Variants in PDE8B observed in about 807,000 individuals in gnomAD.
The protein encoded by PDE8B is phosphodiesterase 8B.
In PDE8B, 26 loss-of-function variants were observed where a neutral mutation model predicts 101.3. The ratio of observed to expected loss-of-function variants is 0.26; its 90% confidence interval spans 0.19 to 0.36. The LOEUF is 0.36. Ranked by LOEUF, PDE8B falls within the 10% of genes least tolerant of loss-of-function variation. The pLI is 1.00. For missense variants in PDE8B, 810 were observed against 1,163.1 expected (o/e 0.70, Z 4.42); for synonymous variants, 424 against 429.3 (o/e 0.99, Z 0.15).
At chr5:77,109,401 A>T in the PDE8B span, among the ~76,000 whole-genome samples, 2 of 152,374 alleles carry the variant, frequency 1.3e-5, no homozygotes, top group East Asian at 3.8e-4. Context: ...TTAAATATTT[A>T]AAAATGTTCT....
At chr5:77,421,015 A>G (rs1475242988) in intron 19 of PDE8B, among the ~76,000 whole-genome samples, 1 of 152,180 alleles carries the variant, frequency 6.6e-6, no homozygotes, top group Non-Finnish European at 1.5e-5. Flanking sequence ...AATCAATTTG[A>G]TGGTGTCTTT....
At chr5:77,283,685 T>G (rs1243034178) in intron 1 of PDE8B, among the ~76,000 whole-genome samples, 1 of 152,208 alleles carries the variant, frequency 6.6e-6, no homozygotes, top group African/African-American at 2.4e-5. Context: ...TTTTTAGTGC[T>G]GAGTAATATT....
At chr5:77,177,209 G>T in the PDE8B span, among the ~76,000 whole-genome samples, 4 of 152,126 alleles carry the variant, frequency 2.6e-5, no homozygotes, top group African/African-American at 9.7e-5. Flanking sequence ...AAAAAACCAT[G>T]TTTAAACATG....
rs72346580 is a variant in PDE8B at position 77,233,654 on chromosome 5, C to CTGTGTGTG, written c.339+22429_339+22436dup. ...TGACAGCCCCCAACCCCCTGAAGCTCTGTGTGTGTGTGTGTGTGTGTGTGT... is the reference window on the plus strand; with the variant it reads ...TGACAGCCCCCAACCCCCTGAAGCTCTGTGTGTGTGTGTGTGTGTGTGTGTGTGTGTGT... On this transcript the variant is annotated intron_variant, in intron 1 of 21. Transcript: ENST00000264917. Among the ~76,000 whole-genome samples, 1,220 of 138,304 alleles carry CTGTGTGTG rather than the reference C, an allele frequency of 8.8e-3. 25 individuals carry two copies. Among genetic ancestry groups the CTGTGTGTG allele is most frequent in the East Asian group, 0.063 (275 of 4,386 alleles). The allele number at this position is 138,304 out of a possible 152,430, so 90.7% of individuals were successfully genotyped here.
At chr5:77,153,402 T>A in the PDE8B span, among the ~76,000 whole-genome samples, 1 of 152,242 alleles carries the variant, frequency 6.6e-6, no homozygotes, top group Non-Finnish European at 1.5e-5. Context: ...AATGTCATAC[T>A]GTAATAGTGT....
chr5:77,159,536 A>G, the PDE8B span, among the ~76,000 whole-genome samples: 1 of 152,166 alleles, frequency 6.6e-6, no homozygotes, highest in African/African-American at 2.4e-5. Context: ...CAGACAACCT[A>G]CTGTGGGACC....
intron 10 of PDE8B, among the ~76,000 whole-genome samples, chr5:77,393,611 G>A (rs1790413160): frequency 6.6e-6 from 1 of 152,144 alleles, no homozygotes; most frequent in Non-Finnish European, 1.5e-5. Flanking sequence ...CTAATTATTT[G>A]CTTAAAGTGT....
chr5:77,118,340 C>A, the PDE8B span: 1 of 398,524 alleles, frequency 2.5e-6, no homozygotes, highest in East Asian at 3.6e-5. Context: ...ATCCTGGTGC[C>A]GAACATGAGG....
chr5:77,103,386 G>A, the PDE8B span, among the ~76,000 whole-genome samples: 27 of 152,262 alleles, frequency 1.8e-4, no homozygotes, highest in South Asian at 3.3e-3. Context: ...GACTCAACAC[G>A]ATGGGATATT....
chr5:77,231,965 A>C (rs1753669319), intron 1 of PDE8B, among the ~76,000 whole-genome samples: 1 of 152,208 alleles, frequency 6.6e-6, no homozygotes, highest in Non-Finnish European at 1.5e-5. Flanking sequence ...AGCCAGCCAC[A>C]AGGGAGGCTT....
Position 77,307,383 on chromosome 5 carries a change from A to G in PDE8B, c.340-4611A>G, listed in dbSNP as rs1022794242. ...TCTCAACTTCAAAGTGGGAGAGAAA[A>G]TGTCTCTCAACCAGAATTCTATATT... On this transcript the variant is annotated intron_variant, in intron 1 of 21. Transcript: ENST00000264917. Among the ~76,000 whole-genome samples, 5 of 152,244 alleles carry G rather than the reference A, an allele frequency of 3.3e-5. No homozygotes were observed. In the East Asian group the frequency reaches 9.7e-4, roughly 29 times the overall value.
At chr5:77,380,366 C>T (rs984172165) in intron 10 of PDE8B, among the ~76,000 whole-genome samples, 2 of 152,186 alleles carry the variant, frequency 1.3e-5, no homozygotes, top group Non-Finnish European at 2.9e-5. Flanking sequence ...GTCAGAAGCT[C>T]AAGGAACCAA....
At chr5:77,099,098 G>A in the PDE8B span, among the ~76,000 whole-genome samples, 1 of 152,130 alleles carries the variant, frequency 6.6e-6, no homozygotes, top group South Asian at 2.1e-4. Context: ...TATTTTGTTG[G>A]TTGGCTTTTG....
At chr5:77,422,135 G>A (rs1278656465) in intron 20 of PDE8B, 147 bp downstream of exon 20, 22 of 863,014 alleles carry the variant, frequency 2.5e-5, no homozygotes, top group Admixed American at 1.6e-4. Flanking sequence ...CCCCACCTGG[G>A]GTAGGCTTCT....
intron 10 of PDE8B, among the ~76,000 whole-genome samples, chr5:77,395,612 T>A (rs957287396): frequency 2.0e-5 from 3 of 152,116 alleles, no homozygotes; most frequent in African/African-American, 7.2e-5. Context: ...ATTAGCCTAA[T>A]GTTTTTATTA....
chr5:77,389,871 C>A (rs1789546310), intron 10 of PDE8B, among the ~76,000 whole-genome samples: 1 of 152,132 alleles, frequency 6.6e-6, no homozygotes, highest in Non-Finnish European at 1.5e-5. Flanking sequence ...GGGCTGTTTC[C>A]AGCTTTTGGC....
intron 10 of PDE8B, among the ~76,000 whole-genome samples, chr5:77,383,166 A>G (rs907843699): frequency 1.3e-5 from 2 of 152,052 alleles, no homozygotes; most frequent in East Asian, 1.9e-4. Context: ...TGTGGTTTTT[A>G]TTTGCATTTC....
chr5:77,314,100 A>G (rs899523872), intron 2 of PDE8B, among the ~76,000 whole-genome samples: 2 of 152,102 alleles, frequency 1.3e-5, no homozygotes, highest in Non-Finnish European at 2.9e-5. Context: ...GGTGTGAGGT[A>G]GGGGCTTTAT....
At chr5:77,245,848 CG>C (rs1438886362) in intron 1 of PDE8B, among the ~76,000 whole-genome samples, 27 of 47,288 alleles carry the variant, frequency 5.7e-4, no homozygotes, top group African/African-American at 3.5e-3. Context: ...CTCCCCCCCC[CG>C]CCCCCCCCCC....
Sources: allele counts gnomAD v4.1 joint callset (sites outside exome capture counted in the v4.1 genomes callset), GRCh38; gene constraint gnomAD v4.1.1; transcripts MANE v1.5; gene names NCBI Gene and HGNC (gene_info 2026-07-23, HGNC 2026-07-21).